NPAS3: variants seen among roughly 807,000 people sequenced by gnomAD.
The protein encoded by NPAS3 is neuronal PAS domain-containing protein 3.
NPAS3 carries 14 observed loss-of-function variants against 73.1 expected under a neutral mutation model. That is an observed-to-expected ratio of 0.19 (90% CI 0.13 to 0.30). The LOEUF is 0.30. Ranked by LOEUF, NPAS3 falls within the 10% of genes least tolerant of loss-of-function variation. The pLI, the probability that NPAS3 is intolerant of heterozygous loss-of-function variation, is 1.00. For synonymous variants in NPAS3, 620 were observed against 541.5 expected (o/e 1.14, Z -2.01); for missense variants, 1,096 against 1,250.0 (o/e 0.88, Z 1.86).
At chr14:33,245,578 A>T (rs990878947) in intron 3 of NPAS3, among the ~76,000 whole-genome samples, 5 of 152,218 alleles carry the variant, frequency 3.3e-5, no homozygotes, top group African/African-American at 1.2e-4. Flanking sequence ...GATAATACAT[A>T]TTTATACCAG....
At chr14:33,123,399 G>A (rs1479792211) in intron 2 of NPAS3, among the ~76,000 whole-genome samples, 1 of 152,044 alleles carries the variant, frequency 6.6e-6, no homozygotes, top group Non-Finnish European at 1.5e-5. Context: ...ACTAGGAGTT[G>A]GGGTGCTGGT....
intron 3 of NPAS3, among the ~76,000 whole-genome samples, chr14:33,263,375 G>A (rs2049045963): frequency 6.6e-6 from 1 of 152,146 alleles, no homozygotes; most frequent in Admixed American, 6.5e-5. Flanking sequence ...ATTAAATAGG[G>A]AATCCTTTCT....
At chr14:33,168,963 T>C (rs1282422391) in intron 2 of NPAS3, among the ~76,000 whole-genome samples, 2 of 152,192 alleles carry the variant, frequency 1.3e-5, no homozygotes, top group Admixed American at 1.3e-4. Context: ...AAAAGATGAA[T>C]TCGTTTTTCA....
chr14:33,435,756 C>A (rs545630897), intron 4 of NPAS3, among the ~76,000 whole-genome samples: 1 of 152,216 alleles, frequency 6.6e-6, no homozygotes, highest in African/African-American at 2.4e-5. Flanking sequence ...TATCTGCCCC[C>A]CTATGTCCTG....
intron 2 of NPAS3, among the ~76,000 whole-genome samples, chr14:33,086,432 C>T (rs914535619): frequency 6.6e-6 from 1 of 151,726 alleles, no homozygotes; most frequent in African/African-American, 2.4e-5. Flanking sequence ...GCAGAGGGAC[C>T]CCTTGTTTTT....
intron 3 of NPAS3, among the ~76,000 whole-genome samples, chr14:33,267,943 T>A (rs1309905890): frequency 6.6e-6 from 1 of 152,208 alleles, no homozygotes. Flanking sequence ...GAATTTGGCA[T>A]CTACTTGTCC....
chr14:33,459,305 C>G (rs1310603716), intron 4 of NPAS3, among the ~76,000 whole-genome samples: 5 of 152,208 alleles, frequency 3.3e-5, no homozygotes, highest in Non-Finnish European at 7.3e-5. Flanking sequence ...TTTTACCCAG[C>G]TACTATTCGA....
At chr14:33,074,536 C>A (rs550096655) in intron 2 of NPAS3, among the ~76,000 whole-genome samples, 45 of 152,258 alleles carry the variant, frequency 3.0e-4, no homozygotes, top group African/African-American at 1.1e-3. Flanking sequence ...CCTGCCTCAG[C>A]CTCTTGAGTA....
At chr14:33,093,804 T>C (rs899766745) in intron 2 of NPAS3, among the ~76,000 whole-genome samples, 6 of 151,932 alleles carry the variant, frequency 3.9e-5, no homozygotes, top group African/African-American at 1.5e-4. Flanking sequence ...AAAGGATGAG[T>C]TTTTGTCCTT....
intron 5 of NPAS3, among the ~76,000 whole-genome samples, chr14:33,673,296 C>T (rs2059663998): frequency 6.6e-6 from 1 of 152,200 alleles, no homozygotes; most frequent in African/African-American, 2.4e-5. Context: ...CACCCTTGGC[C>T]TTTTCCAGTA....
chr14:33,390,634 G>A (rs1308020944), intron 4 of NPAS3, among the ~76,000 whole-genome samples: 3 of 152,138 alleles, frequency 2.0e-5, no homozygotes, highest in Admixed American at 6.6e-5. Flanking sequence ...GTATATGGAC[G>A]ATGGATGTTT....
In NPAS3 at chr14:33,268,540, C is replaced by CT. The variant is rs758482526; in HGVS notation, c.385+53122dup. ...TCTTTATTTCTCCTTTATTGTATCT[C>CT]TTTTTTTTGCATTCAAATGTAACCA... On this transcript the variant is annotated intron_variant, in intron 3 of 11. Transcript: ENST00000356141. Among the ~76,000 whole-genome samples, 194 of 151,862 alleles carry CT rather than the reference C, an allele frequency of 1.3e-3. 2 individuals carry two copies. Among genetic ancestry groups the CT allele is most frequent in the Middle Eastern group, 3.4e-3 (1 of 292 alleles).
At chr14:32,942,914 G>A (rs1253241693) in intron 1 of NPAS3, among the ~76,000 whole-genome samples, 2 of 152,142 alleles carry the variant, frequency 1.3e-5, no homozygotes, top group Admixed American at 6.5e-5. Context: ...CAAGGCAACA[G>A]ACTGTCAACA....
intron 7 of NPAS3, among the ~76,000 whole-genome samples, chr14:33,745,784 TCTTG>T (rs995655971): frequency 2.0e-5 from 3 of 152,256 alleles, no homozygotes; most frequent in African/African-American, 7.2e-5. Flanking sequence ...GGAAATTTCT[TCTTG>T]CTTAAGTGTC....
chr14:33,151,239 C>T (rs1380211900), intron 2 of NPAS3, among the ~76,000 whole-genome samples: 1 of 152,172 alleles, frequency 6.6e-6, no homozygotes, highest in African/African-American at 2.4e-5. Flanking sequence ...GTGACTGCTC[C>T]CACAAGGAGG....
intron 4 of NPAS3, among the ~76,000 whole-genome samples, chr14:33,407,895 A>T (rs995217089): frequency 6.6e-6 from 1 of 152,174 alleles, no homozygotes; most frequent in African/African-American, 2.4e-5. Flanking sequence ...CATAGGTCGG[A>T]TGCTTCATAG....
At chr14:33,489,419 T>A (rs1162979232) in intron 4 of NPAS3, among the ~76,000 whole-genome samples, 2 of 152,004 alleles carry the variant, frequency 1.3e-5, no homozygotes, top group Admixed American at 6.6e-5. Flanking sequence ...ACTGTGTCAA[T>A]ATAGAAAATG....
At chr14:33,258,480 C>T (rs1268476427) in intron 3 of NPAS3, among the ~76,000 whole-genome samples, 2 of 152,144 alleles carry the variant, frequency 1.3e-5, no homozygotes, top group Non-Finnish European at 2.9e-5. Context: ...TTAAAGTAGA[C>T]GTAGTGTTAT....
intron 2 of NPAS3, among the ~76,000 whole-genome samples, chr14:33,209,480 A>G (rs938763876): frequency 5.5e-4 from 83 of 152,286 alleles, no homozygotes; most frequent in Admixed American, 1.0e-3. Context: ...TAGGTACTGG[A>G]GTAACTATAG....
Sources: allele counts gnomAD v4.1 joint callset (sites outside exome capture counted in the v4.1 genomes callset), GRCh38; gene constraint gnomAD v4.1.1; transcripts MANE v1.5; gene names NCBI Gene and HGNC (gene_info 2026-07-23, HGNC 2026-07-21).